The following GNB5 variants were observed in gnomAD, a reference collection of about 807,000 sequenced individuals.
GNB5 encodes the protein guanine nucleotide-binding protein subunit beta-5.
A neutral mutation model predicts 55.3 loss-of-function variants in GNB5; 37 were observed. That is an observed-to-expected ratio of 0.67 (90% CI 0.51 to 0.88). GNB5 has a LOEUF of 0.88. Ranked by LOEUF, GNB5 falls within the 40% of genes least tolerant of loss-of-function variation. The pLI is 0.00. For synonymous variants in GNB5, 219 were observed against 198.5 expected, an observed-to-expected ratio of 1.10 and a Z score of -0.87; for missense variants, 476 against 515.3, an observed-to-expected ratio of 0.92 and a Z score of 0.74.
rs1251156934 is a variant in GNB5 at position 52,135,771 on chromosome 15, GGACAGGAA to G, written c.628-23_628-16del. On this transcript the variant is annotated splice_polypyrimidine_tract_variant and intron_variant, in intron 7 of 12. Coordinates refer to ENST00000261837, the MANE Select transcript of GNB5 (RefSeq NM_016194.4). The stretch of plus-strand genomic sequence containing the variant: ...GCTGTCAGGATCTGCCCGCAGAAAA[GGACAGGAA>G]GTGGGTGGTTGTGGTTATTGCTTAT... 4 of 1,610,208 alleles carry G rather than the reference GGACAGGAA, an allele frequency of 2.5e-6. No individual in the cohort carries two copies. Among genetic ancestry groups the G allele is most frequent in the Non-Finnish European group, 1.7e-6 (2 of 1,179,154 alleles).
chr15:52,137,546 C>G (rs540630281), intron 7 of GNB5: 1 of 1,025,992 alleles, frequency 9.7e-7, no homozygotes, highest in Admixed American at 5.1e-5. Flanking sequence ...CTGGCAGAGG[C>G]CCAAAGAGCC....
intron 4 of GNB5, among the ~76,000 whole-genome samples, chr15:52,153,126 G>A (rs1023289311): frequency 6.6e-6 from 1 of 152,348 alleles, no homozygotes; most frequent in Middle Eastern, 3.4e-3. Context: ...GAATACAACA[G>A]GAGCAATGGA....
In GNB5 at chr15:52,142,753, T is replaced by C. The variant is rs534158784; in HGVS notation, c.495-1481A>G. ...ATGGGGTCACTTTTTTCTGAGGCAC[T>C]GGGAAAGCCAAGGGTCCCTTCTGCT... On this transcript the variant is annotated intron_variant, in intron 6 of 12. Transcript: ENST00000261837. 8.5e-5 allele frequency among the ~76,000 whole-genome samples: 13 copies of C among 152,322 alleles called. No individual in the cohort carries two copies. The South Asian group carries it at 2.7e-3, about 32-fold the overall frequency.
intron 3 of GNB5, among the ~76,000 whole-genome samples, chr15:52,158,368 C>T (rs1181876302): frequency 1.3e-5 from 2 of 152,202 alleles, no homozygotes; most frequent in Non-Finnish European, 2.9e-5. Flanking sequence ...GCATGGCGTA[C>T]AGTGAGTACC....
chr15:52,130,047 C>T (rs2141187586), intron 9 of GNB5, among the ~76,000 whole-genome samples: 1 of 152,294 alleles, frequency 6.6e-6, no homozygotes, highest in Non-Finnish European at 1.5e-5. Flanking sequence ...CTCTCCTCTA[C>T]CAACCAGCTG....
chr15:52,142,069 G>A (rs922992809), intron 6 of GNB5, among the ~76,000 whole-genome samples: 1 of 152,196 alleles, frequency 6.6e-6, no homozygotes, highest in Admixed American at 6.5e-5. Flanking sequence ...AATGGTTAAA[G>A]TACTGTAGAA....
chr15:52,157,061 A>G (rs1222457254), intron 3 of GNB5, among the ~76,000 whole-genome samples: 12 of 145,530 alleles, frequency 8.2e-5, no homozygotes, highest in Admixed American at 2.1e-4. Context: ...TCAGCCTCCC[A>G]AGTAGCTAGG....
intron 3 of GNB5, among the ~76,000 whole-genome samples, chr15:52,165,496 G>C (rs1036498096): frequency 6.6e-6 from 1 of 152,154 alleles, no homozygotes; most frequent in Non-Finnish European, 1.5e-5. Flanking sequence ...ACTAACAGCA[G>C]ACCTCTCAGT....
At chr15:52,187,675 G>A (rs1185509339) in intron 1 of GNB5, among the ~76,000 whole-genome samples, 4 of 152,206 alleles carry the variant, frequency 2.6e-5, no homozygotes, top group African/African-American at 4.8e-5. Context: ...AGGGCCAGGT[G>A]TGGTGGCTCA....
intron 1 of GNB5, among the ~76,000 whole-genome samples, chr15:52,190,239 T>A (rs1377599794): frequency 6.6e-6 from 1 of 151,338 alleles, no homozygotes; most frequent in Non-Finnish European, 1.5e-5. Flanking sequence ...TGCCTCAGCC[T>A]CCCAAATATC....
At chr15:52,161,446 C>T (rs182026654) in intron 3 of GNB5, among the ~76,000 whole-genome samples, 28 of 152,300 alleles carry the variant, frequency 1.8e-4, no homozygotes, top group Admixed American at 7.8e-4. Flanking sequence ...TACAGGCACG[C>T]GCTACCACGC....
chr15:52,163,327 G>A (rs1368559178), intron 3 of GNB5, among the ~76,000 whole-genome samples: 1 of 152,198 alleles, frequency 6.6e-6, no homozygotes, highest in Non-Finnish European at 1.5e-5. Flanking sequence ...TGAGGAAGGA[G>A]ATCCATCTAT....
rs553792819 is a variant in GNB5 at position 52,154,771 on chromosome 15, G to A, written c.239-695C>T. ...AGCTGTCTGCAAACTGCACACCTGTGAGTTTACTGAAAAACCTAGTGTCCA... is the reference window on the plus strand; with the variant it reads ...AGCTGTCTGCAAACTGCACACCTGTAAGTTTACTGAAAAACCTAGTGTCCA... On this transcript the variant is annotated intron_variant, in intron 3 of 12. Transcript: ENST00000261837. Among the ~76,000 whole-genome samples, 134 of 152,304 alleles carry A rather than the reference G, an allele frequency of 8.8e-4. 2 individuals are homozygous for A. The highest frequency in any genetic ancestry group is 3.0e-3 in the African/African-American group (126 of 41,560).
At chr15:52,161,715 A>C (rs777148308) in intron 3 of GNB5, among the ~76,000 whole-genome samples, 4 of 152,230 alleles carry the variant, frequency 2.6e-5, no homozygotes, top group Non-Finnish European at 4.4e-5. Flanking sequence ...AGAATCATGG[A>C]AAGTTACAGC....
chr15:52,154,479 A>C (rs2034166873), intron 3 of GNB5, among the ~76,000 whole-genome samples: 1 of 152,210 alleles, frequency 6.6e-6, no homozygotes, highest in South Asian at 2.1e-4. Flanking sequence ...AGATGGGGAA[A>C]CTGAGACTCA....
At chr15:52,143,981 G>T (rs917306322) in intron 6 of GNB5, 1 of 152,208 alleles carries the variant, frequency 6.6e-6, no homozygotes, top group Non-Finnish European at 1.5e-5. Context: ...TCCTCTGTTT[G>T]GCCCTCGTAA....
chr15:52,166,696 G>A (rs2034457915), intron 3 of GNB5, among the ~76,000 whole-genome samples: 1 of 152,134 alleles, frequency 6.6e-6, no homozygotes, highest in Non-Finnish European at 1.5e-5. Flanking sequence ...TGTTAAGAGG[G>A]AAATTTTAGC....
At chr15:52,126,658 G>A (rs1173683618) in intron 10 of GNB5, among the ~76,000 whole-genome samples, 1 of 152,020 alleles carries the variant, frequency 6.6e-6, no homozygotes, top group Non-Finnish European at 1.5e-5. Context: ...ATAATATTAT[G>A]ATGACTATTC....
chr15:52,146,881 T>C (rs2033988702), intron 6 of GNB5, among the ~76,000 whole-genome samples: 1 of 151,656 alleles, frequency 6.6e-6, no homozygotes, highest in Admixed American at 6.6e-5. Context: ...CCACGCCTGG[T>C]ACTTTTTGCT....
Sources: allele counts gnomAD v4.1 joint callset (sites outside exome capture counted in the v4.1 genomes callset), GRCh38; gene constraint gnomAD v4.1.1; transcripts MANE v1.5; gene names NCBI Gene and HGNC (gene_info 2026-07-23, HGNC 2026-07-21).